Variants in CCDC152 observed in about 807,000 individuals in gnomAD.
CCDC152 encodes coiled-coil domain-containing protein 152.
A neutral mutation model predicts 38.1 loss-of-function variants in CCDC152; 37 were observed. The observed-to-expected ratio is 0.97, with a 90% CI of 0.75 to 1.28. The LOEUF (loss-of-function observed/expected upper bound fraction) is 1.28, where lower values mean the gene tolerates loss of function less well. CCDC152 is among the 50% of genes most tolerant of loss of function. The pLI, the probability that CCDC152 is intolerant of heterozygous loss-of-function variation, is 0.00. For missense variants in CCDC152, 259 were observed against 292.1 expected, an observed-to-expected ratio of 0.89 and a Z score of 0.83; for synonymous variants, 83 against 87.1, an observed-to-expected ratio of 0.95 and a Z score of 0.26.
chr5:42,785,354 T>C (rs1254938773), intron 6 of CCDC152, among the ~76,000 whole-genome samples: 2 of 152,076 alleles, frequency 1.3e-5, no homozygotes, highest in Admixed American at 1.3e-4. Context: ...TGTGTGTGTA[T>C]GGTAATTGTT....
Position 42,801,326 on chromosome 5 carries a change from G to T in CCDC152, c.*1545G>T. The T allele has an allele frequency of 6.2e-7, 1 of 1,602,030 alleles. No individual in the cohort carries two copies. On this transcript the variant is annotated 3_prime_UTR_variant, in exon 9 of 9. Coordinates refer to ENST00000361970, the MANE Select transcript of CCDC152 (RefSeq NM_001134848.2). ...CACGTTTACAAAAGTCTTCATCTTT[G>T]AGAGTCTGGAACAAATTTATAAATC...
chr5:42,797,008 T>C (rs1760085199), intron 7 of CCDC152, 52 bp downstream of exon 7: 1 of 1,312,622 alleles, frequency 7.6e-7, no homozygotes, highest in Non-Finnish European at 1.0e-6. Context: ...TAGTCTAAAC[T>C]GTACTTTGAT....
chr5:42,792,344 T>C (rs182441486), intron 6 of CCDC152, among the ~76,000 whole-genome samples: 32 of 152,350 alleles, frequency 2.1e-4, no homozygotes, highest in Admixed American at 1.3e-3. Context: ...TCTCTCACTC[T>C]CACATTTATT....
intron 6 of CCDC152, among the ~76,000 whole-genome samples, chr5:42,793,700 C>G (rs946534397): frequency 6.6e-6 from 1 of 152,146 alleles, no homozygotes; most frequent in Non-Finnish European, 1.5e-5. Context: ...CCTCCACCTC[C>G]CAGGTTCAAG....
intron 6 of CCDC152, among the ~76,000 whole-genome samples, chr5:42,794,737 A>T (rs1760051543): frequency 6.6e-6 from 1 of 152,242 alleles, no homozygotes; most frequent in African/African-American, 2.4e-5. Context: ...AGCTAAGTTA[A>T]CATAGTACAA....
chr5:42,799,388 T>G lies in CCDC152; in HGVS notation c.572T>G (p.Leu191Arg), dbSNP rs1367276319. The G allele has an allele frequency of 6.5e-7, 1 of 1,534,004 alleles. No individual in the cohort carries two copies. Among genetic ancestry groups the G allele is most frequent in the East Asian group, 2.5e-5 (1 of 40,518 alleles). Residue 191 changes from leucine (L) to arginine (R), a missense_variant, in exon 8 of 9, where the codon CTA becomes CGA. By Grantham distance (102) the Leu-to-Arg change is moderately radical. Coordinates refer to ENST00000361970, the MANE Select transcript of CCDC152 (RefSeq NM_001134848.2). ...IKLQLEFDAK[L>R]ARVQTKSKSY... is the part of the protein sequence containing the mutation. Reference sequence around the variant, plus strand: ...AATTTGATTCAGTTTGATGCCAAACTAGCAAGAGTTCAGACTAAATCAAAA... The same window carrying G: ...AATTTGATTCAGTTTGATGCCAAACGAGCAAGAGTTCAGACTAAATCAAAA...
rs1760047009 is a variant in CCDC152 at position 42,794,430 on chromosome 5, A to C, written c.431-2399A>C. Among the ~76,000 whole-genome samples the C allele has an allele frequency of 2.0e-5, 3 of 152,360 alleles. No individual in the cohort carries two copies. In the South Asian group the frequency reaches 6.2e-4, roughly 32 times the overall value. ...TGGGAGCTTAAGAAGCTGTGGAACC[A>C]AACGTTTTTCCTTATTACTGAGATG... On this transcript the variant is annotated intron_variant, in intron 6 of 8. Transcript: ENST00000361970.
In CCDC152 at chr5:42,801,157, G is replaced by A. The variant is rs569570677; in HGVS notation, c.*1376G>A. 6.2e-7 allele frequency: 1 copy of A among 1,614,158 alleles called. No individual in the cohort carries two copies. The highest frequency in any genetic ancestry group is 1.3e-5 in the African/African-American group (1 of 75,020). ...TGATGAAGGCCTGGAGGAGCAGGAT[G>A]AGTAGGAGCATTTGGTGCTCCTGGT... On this transcript the variant is annotated 3_prime_UTR_variant, in exon 9 of 9. Transcript: ENST00000361970.
At chr5:42,793,462 C>CA (rs755615222) in intron 6 of CCDC152, among the ~76,000 whole-genome samples, 18 of 151,776 alleles carry the variant, frequency 1.2e-4, no homozygotes, top group Admixed American at 2.0e-4. Context: ...TTTAAAAATA[C>CA]AAAAAAACCT....
At chr5:42,780,422 CCTTTTT>C (rs1759829478) in intron 5 of CCDC152, among the ~76,000 whole-genome samples, 2 of 152,100 alleles carry the variant, frequency 1.3e-5, no homozygotes, top group Non-Finnish European at 2.9e-5. Context: ...CCTTTCTTTT[CCTTTTT>C]CCCTTTATTC....
At chr5:42,785,447 T>G (rs1409063267) in intron 6 of CCDC152, among the ~76,000 whole-genome samples, 1 of 152,154 alleles carries the variant, frequency 6.6e-6, no homozygotes, top group Non-Finnish European at 1.5e-5. Flanking sequence ...GCATTCATTT[T>G]GTATCCTGAA....
intron 2 of CCDC152, among the ~76,000 whole-genome samples, chr5:42,761,128 T>C (rs1308982254): frequency 6.6e-6 from 1 of 152,152 alleles, no homozygotes; most frequent in Non-Finnish European, 1.5e-5. Flanking sequence ...TGTTCATGAG[T>C]TGATTTTTGA....
intron 4 of CCDC152, 123 bp downstream of exon 4, chr5:42,769,788 T>C (rs1759673729): frequency 1.9e-6 from 2 of 1,054,238 alleles, no homozygotes; most frequent in East Asian, 6.7e-5. Context: ...GACTCCTTAC[T>C]ACTTAAAAAT....
At chr5:42,760,624 T>G (rs145783397) in intron 2 of CCDC152, among the ~76,000 whole-genome samples, 2,976 of 152,068 alleles carry the variant, frequency 0.02, 35 homozygotes, top group Middle Eastern at 0.062. Flanking sequence ...GAAGCAAGAG[T>G]GGGAGGGAGG....
intron 6 of CCDC152, among the ~76,000 whole-genome samples, chr5:42,789,756 A>G (rs1759973352): frequency 6.6e-6 from 1 of 152,206 alleles, no homozygotes; most frequent in Admixed American, 6.5e-5. Context: ...TTGAGGGTTA[A>G]TCGGTTTTAT....
chr5:42,777,548 A>G (rs1759785683), intron 4 of CCDC152, among the ~76,000 whole-genome samples: 1 of 152,150 alleles, frequency 6.6e-6, no homozygotes, highest in Non-Finnish European at 1.5e-5. Flanking sequence ...TTGATAGCCT[A>G]TGTGAAATGG....
chr5:42,778,992 C>T (rs763907643), intron 4 of CCDC152, among the ~76,000 whole-genome samples: 1 of 152,090 alleles, frequency 6.6e-6, no homozygotes, highest in Non-Finnish European at 1.5e-5. Flanking sequence ...TCAACAATAC[C>T]GTACGTGAAT....
Position 42,799,871 on chromosome 5 carries a change from C to T in CCDC152, c.*90C>T. 1 of 1,343,714 alleles carries T rather than the reference C, an allele frequency of 7.4e-7. No homozygotes were observed. 83.2% of individuals were successfully genotyped at this position (1,343,714 alleles called of 1,614,324 possible). On this transcript the variant is annotated 3_prime_UTR_variant, in exon 9 of 9. Transcript: ENST00000361970. ...CAATATATGCATACAGCCTACATAA[C>T]AAACGAAGTCAGCTTTAAGGTTTTT...
chr5:42,787,350 T>A (rs1431055692), intron 6 of CCDC152, among the ~76,000 whole-genome samples: 1 of 152,022 alleles, frequency 6.6e-6, no homozygotes, highest in African/African-American at 2.4e-5. Context: ...TGTTTTGTTT[T>A]GCTTTTTAAA....
Sources: gnomAD v4.1 joint callset for allele counts (sites outside exome capture counted in the v4.1 genomes callset) on GRCh38, gnomAD v4.1.1 for gene constraint, MANE v1.5 for transcripts, NCBI Gene and HGNC (gene_info 2026-07-23, HGNC 2026-07-21) for gene names.